WNK1: variants seen among roughly 807,000 people sequenced by gnomAD.
WNK1 encodes the protein serine/threonine-protein kinase WNK1.
Under a neutral mutation model 222.8 loss-of-function variants are expected in WNK1, and 38 were observed. The ratio of observed to expected loss-of-function variants is 0.17; its 90% confidence interval spans 0.13 to 0.22. WNK1 has a LOEUF of 0.22. Among genes scored for constraint, WNK1 ranks in the 10% least tolerant of loss-of-function variants. The pLI is 1.00. For missense variants in WNK1, 2,348 were observed against 2,918.4 expected (o/e 0.80, Z 4.50); for synonymous variants, 1,090 against 1,092.9 (o/e 1.00, Z 0.05).
intron 9 of WNK1, among the ~76,000 whole-genome samples, chr12:876,931 G>T (rs1447679255): frequency 6.6e-6 from 1 of 151,616 alleles, no homozygotes; most frequent in Non-Finnish European, 1.5e-5. Context: ...AGGATTAGGG[G>T]TATTTTCATT....
chr12:770,111 A>G (rs1379442352), intron 1 of WNK1, among the ~76,000 whole-genome samples: 6 of 151,900 alleles, frequency 3.9e-5, no homozygotes, highest in African/African-American at 1.5e-4. Flanking sequence ...AGTAGCTGGG[A>G]TTACAGGCAT....
intron 27 of WNK1, 199 bp from the exon 28 acceptor site, chr12:908,276 A>C: frequency 1.3e-6 from 1 of 746,478 alleles, no homozygotes; most frequent in South Asian, 1.7e-5. Flanking sequence ...CTACACACAC[A>C]CAGACACACA....
intron 1 of WNK1, among the ~76,000 whole-genome samples, chr12:787,216 T>C (rs1478090535): frequency 3.9e-5 from 6 of 152,224 alleles, no homozygotes; most frequent in Non-Finnish European, 2.9e-5. Context: ...GCACAGACTC[T>C]AGAACAAGGC....
At chr12:895,264 T>C (rs1459348648) in intron 23 of WNK1, among the ~76,000 whole-genome samples, 1 of 152,176 alleles carries the variant, frequency 6.6e-6, no homozygotes, top group African/African-American at 2.4e-5. Context: ...TTTGTATTTG[T>C]AAATACATGG....
chr12:907,246 A>T (rs1955786800), intron 26 of WNK1, among the ~76,000 whole-genome samples: 1 of 150,574 alleles, frequency 6.6e-6, no homozygotes, highest in Non-Finnish European at 1.5e-5. Context: ...GCTTGAACCC[A>T]GGAGGCAGGG....
At chr12:787,101 T>C (rs1380733794) in intron 1 of WNK1, among the ~76,000 whole-genome samples, 1 of 152,222 alleles carries the variant, frequency 6.6e-6, no homozygotes. Flanking sequence ...AATTATGTAT[T>C]TTTCATTGTT....
Position 753,384 on chromosome 12 carries a change from C to T in WNK1, c.-182C>T. The T allele has an allele frequency of 1.3e-6, 1 of 765,882 alleles. No homozygotes were observed. Among genetic ancestry groups the T allele is most frequent in the South Asian group, 1.8e-5 (1 of 54,680 alleles). 47.4% of individuals were successfully genotyped at this position (765,882 alleles called of 1,614,324 possible). ...GCCTCGGTGCCAGCCCCCGCCGCAG[C>T]TGGGCCCAGCGGTCCGCCTGTCCCT... On this transcript the variant is annotated 5_prime_UTR_variant, in exon 1 of 28. Coordinates refer to ENST00000315939, the MANE Select transcript of WNK1 (RefSeq NM_018979.4). This position sits in a 1 kb window ranked among gnomAD's most constrained non-coding sequence, Gnocchi z 5.2.
chr12:796,827 C>T (rs1192214287), intron 1 of WNK1, among the ~76,000 whole-genome samples: 2 of 152,156 alleles, frequency 1.3e-5, no homozygotes, highest in Non-Finnish European at 1.5e-5. Context: ...AAATGATCTT[C>T]CTAAGTCTAA....
chr12:807,341 C>CT (rs1946461470), intron 1 of WNK1, among the ~76,000 whole-genome samples: 1 of 139,430 alleles, frequency 7.2e-6, no homozygotes, highest in Non-Finnish European at 1.5e-5. Flanking sequence ...CCCTCTTTTG[C>CT]TTTTATTTCT....
intron 2 of WNK1, 24 bp downstream of exon 2, chr12:813,838 G>T (rs1206428733): frequency 6.2e-7 from 1 of 1,611,888 alleles, no homozygotes. Context: ...TATTACAAAA[G>T]CTGACCAAGA....
chr12:822,600 T>G (rs1301461996), intron 2 of WNK1, among the ~76,000 whole-genome samples: 1 of 152,188 alleles, frequency 6.6e-6, no homozygotes, highest in Non-Finnish European at 1.5e-5. Flanking sequence ...CAGTCTACCC[T>G]GAATTGATAC....
At chr12:864,119 T>C (rs1410832096) in intron 8 of WNK1, among the ~76,000 whole-genome samples, 2 of 148,170 alleles carry the variant, frequency 1.3e-5, no homozygotes, top group East Asian at 3.9e-4. Flanking sequence ...AGTTTTTTTT[T>C]TTTTTTTTGA....
At chr12:808,644 T>G (rs1434190907) in intron 1 of WNK1, among the ~76,000 whole-genome samples, 5 of 152,110 alleles carry the variant, frequency 3.3e-5, no homozygotes, top group Admixed American at 3.3e-4. Context: ...GGAGAGAACC[T>G]CTTAGACTCC....
intron 4 of WNK1, among the ~76,000 whole-genome samples, chr12:834,993 T>A (rs892337441): frequency 6.6e-6 from 1 of 152,266 alleles, no homozygotes; most frequent in Non-Finnish European, 1.5e-5. Flanking sequence ...AAAGGGCAAA[T>A]TTTTACCTAT....
intron 8 of WNK1, among the ~76,000 whole-genome samples, chr12:866,654 C>A (rs1331543023): frequency 6.6e-6 from 1 of 152,138 alleles, no homozygotes; most frequent in Non-Finnish European, 1.5e-5. Flanking sequence ...GCCACCGCGC[C>A]CAGCGGGTAA....
intron 3 of WNK1, 181 bp from the exon 4 acceptor site, chr12:829,822 A>G (rs1426501612): frequency 1.6e-6 from 1 of 633,676 alleles, no homozygotes; most frequent in Non-Finnish European, 2.8e-6. Context: ...AAGATCTTTT[A>G]TGAGATATTT....
intron 1 of WNK1, among the ~76,000 whole-genome samples, chr12:798,425 C>T (rs1283362984): frequency 6.6e-6 from 1 of 152,170 alleles, no homozygotes; most frequent in Non-Finnish European, 1.5e-5. Flanking sequence ...ATCTCCTGAC[C>T]TCGTGATCTG....
At chr12:899,298 T>C (rs1955018095) in intron 25 of WNK1, among the ~76,000 whole-genome samples, 1 of 99,828 alleles carries the variant, frequency 1.0e-5, no homozygotes, top group African/African-American at 4.0e-5. Flanking sequence ...CCCAATCAGA[T>C]CTTTTTTGTT....
intron 1 of WNK1, among the ~76,000 whole-genome samples, chr12:766,991 G>C (rs1470148322): frequency 1.3e-5 from 2 of 151,934 alleles, no homozygotes; most frequent in Non-Finnish European, 2.9e-5. Flanking sequence ...TGGCCAGGCT[G>C]ATCTTGAACT....
Sources: gnomAD v4.1 joint callset for allele counts (sites outside exome capture counted in the v4.1 genomes callset) on GRCh38, gnomAD v4.1.1 for gene constraint, Gnocchi (gnomAD v3.1) non-coding constraint, MANE v1.5 for transcripts, NCBI Gene and HGNC (gene_info 2026-07-23, HGNC 2026-07-21) for gene names.